Variants in SLC24A1 observed in about 807,000 individuals in gnomAD.
SLC24A1 encodes the protein solute carrier family 24 member 1, also known as sodium/potassium/calcium exchanger 1.
A neutral mutation model predicts 88.1 loss-of-function variants in SLC24A1; 52 were observed. That is an observed-to-expected ratio of 0.59 (90% CI 0.47 to 0.74). The LOEUF is 0.74. Ranked by LOEUF, SLC24A1 falls within the 30% of genes least tolerant of loss-of-function variation. SLC24A1 has a pLI of 0.00. For synonymous variants in SLC24A1, 455 were observed against 498.0 expected (o/e 0.91, Z 1.15); for missense variants, 1,173 against 1,363.3 (o/e 0.86, Z 2.20).
chr15:65,659,030 A>G (rs1233117974), downstream of SLC24A1: 2 of 152,178 alleles, frequency 1.3e-5, no homozygotes, highest in Non-Finnish European at 2.9e-5. Flanking sequence ...TTCTCCACCT[A>G]ACACTAGGAG....
chr15:65,647,531 AC>A lies in SLC24A1; in HGVS notation c.2232+1831del, dbSNP rs1401687837. Among the ~76,000 whole-genome samples, 5 of 151,122 alleles carry A rather than the reference AC, an allele frequency of 3.3e-5. No individual in the cohort carries two copies. The East Asian group carries it at 9.8e-4, about 30-fold the overall frequency. ...GACAGAGAGAGAAAGAATCGGTTCA[AC>A]CCAGCTCCTTGGTCAAGAATCCAGC... On this transcript the variant is annotated intron_variant, in intron 6 of 9. Transcript: ENST00000261892.
At chr15:65,639,560 A>G in intron 3 of SLC24A1, 35 bp from the exon 4 acceptor site, 4 of 1,216,720 alleles carry the variant, frequency 3.3e-6, no homozygotes, top group Non-Finnish European at 4.6e-6. Context: ...CCTGGCTTGG[A>G]CAGGGGCCCA....
downstream of SLC24A1, chr15:65,660,602 T>C (rs539523966): frequency 1.0e-3 from 310 of 303,474 alleles, no homozygotes; most frequent in Non-Finnish European, 1.5e-3. Context: ...AGAAATAATA[T>C]GACTAAAAAT....
Position 65,625,276 on chromosome 15 carries a change from C to T in SLC24A1, c.1196C>T (p.Pro399Leu). Reference sequence around the variant, plus strand: ...GTCCATCACTGTGTGGTTGTGAAGCCAACCCCAGCCATGCTCACCACTCCC... The same window carrying T: ...GTCCATCACTGTGTGGTTGTGAAGCTAACCCCAGCCATGCTCACCACTCCC... ...MQVHHCVVVK[P>L]TPAMLTTPSP... Residue 399 changes from proline (P) to leucine (L), a missense_variant, in exon 2 of 10, where the codon CCA becomes CTA. Coordinates refer to ENST00000261892, the MANE Select transcript of SLC24A1 (RefSeq NM_004727.3). The T allele has an allele frequency of 6.2e-7, 1 of 1,613,948 alleles. No individual in the cohort carries two copies. The highest frequency in any genetic ancestry group is 8.5e-7 in the Non-Finnish European group (1 of 1,179,884).
chr15:65,636,860 A>AAAT (rs59545207), intron 2 of SLC24A1, among the ~76,000 whole-genome samples: 24,978 of 143,194 alleles, frequency 0.17, 2,333 homozygotes, highest in Non-Finnish European at 0.21. Flanking sequence ...CTCTGTCTCA[A>AAAT]AATAATAATA....
At chr15:65,657,968 AT>A, downstream of SLC24A1, 1 of 152,340 alleles carries the variant, frequency 6.6e-6, no homozygotes, top group African/African-American at 2.4e-5. Flanking sequence ...AGTTGCTGCA[AT>A]AGTTTTATCA....
intron 8 of SLC24A1, 64 bp from the exon 9 acceptor site, chr15:65,652,578 A>G: frequency 6.8e-7 from 1 of 1,479,314 alleles, no homozygotes; most frequent in South Asian, 1.2e-5. Flanking sequence ...ACAAAGTAGG[A>G]TGTGGATAGT....
chr15:65,659,027 C>T (rs992557330), downstream of SLC24A1: 2 of 151,922 alleles, frequency 1.3e-5, no homozygotes, highest in Admixed American at 6.5e-5. Flanking sequence ...TATTTCTCCA[C>T]CTAACACTAG....
At chr15:65,646,879 T>G (rs1317941855) in intron 6 of SLC24A1, among the ~76,000 whole-genome samples, 1 of 152,220 alleles carries the variant, frequency 6.6e-6, no homozygotes, top group Admixed American at 6.5e-5. Flanking sequence ...GTAGGTCTAT[T>G]ACCGCTAGCT....
At chr15:65,618,372 C>T (rs989659504), upstream of SLC24A1, among the ~76,000 whole-genome samples, 1 of 152,174 alleles carries the variant, frequency 6.6e-6, no homozygotes, top group Non-Finnish European at 1.5e-5. Context: ...TCATCACCTT[C>T]ATTCCTTTTA....
At chr15:65,612,589 T>C (rs1039775299) in exon 2 of SLC24A1, 1 of 152,298 alleles carries the variant, frequency 6.6e-6, no homozygotes, top group Admixed American at 6.5e-5. Context: ...GACCTAGTTA[T>C]GCTTGAGCAG....
intron 5 of SLC24A1, 73 bp from the exon 6 acceptor site, chr15:65,645,539 T>C: frequency 7.9e-6 from 9 of 1,139,250 alleles, no homozygotes; most frequent in Non-Finnish European, 1.2e-5. Flanking sequence ...TAGCCACTTA[T>C]GCCAGTGTCT....
chr15:65,657,250 T>A (rs2075711795), downstream of SLC24A1, among the ~76,000 whole-genome samples: 1 of 152,208 alleles, frequency 6.6e-6, no homozygotes, highest in Non-Finnish European at 1.5e-5. Context: ...AATTACAGGC[T>A]TAGTCTTTTA....
chr15:65,632,466 C>T (rs1356706826), intron 2 of SLC24A1, among the ~76,000 whole-genome samples: 2 of 152,006 alleles, frequency 1.3e-5, no homozygotes, highest in Non-Finnish European at 2.9e-5. Flanking sequence ...GTGCTTAGGT[C>T]ACTTCCAAGT....
chr15:65,634,602 T>A (rs2074841270), intron 2 of SLC24A1, among the ~76,000 whole-genome samples: 1 of 152,034 alleles, frequency 6.6e-6, no homozygotes, highest in Non-Finnish European at 1.5e-5. Flanking sequence ...CACACCCAAA[T>A]GTTGACAAAC....
At chr15:65,644,194 TA>T (rs60181833) in intron 4 of SLC24A1, 30,145 of 536,302 alleles carry the variant, frequency 0.056, 996 homozygotes, top group African/African-American at 0.091. Context: ...TGACTTACCC[TA>T]AGGTCACAGC....
At chr15:65,627,368 T>G (rs1429032219) in intron 2 of SLC24A1, among the ~76,000 whole-genome samples, 1 of 152,222 alleles carries the variant, frequency 6.6e-6, no homozygotes, top group Non-Finnish European at 1.5e-5. Context: ...AATGCAATGG[T>G]TATTTGTCTG....
chr15:65,626,068 A>T, intron 2 of SLC24A1, 98 bp downstream of exon 2: 1 of 852,536 alleles, frequency 1.2e-6, no homozygotes. Flanking sequence ...AGACCTCAAG[A>T]GATGAATGCT....
Position 65,651,529 on chromosome 15 carries a change from A to G in SLC24A1, c.2794-141A>G. The G allele has an allele frequency of 4.8e-6, 3 of 624,416 alleles. No homozygotes were observed. The East Asian group carries it at 9.0e-5, about 19-fold the overall frequency. The allele number at this position is 624,416 out of a possible 1,614,324, so 38.7% of individuals were successfully genotyped here. On this transcript the variant is annotated intron_variant, in intron 7 of 9. Coordinates refer to ENST00000261892, the MANE Select transcript of SLC24A1 (RefSeq NM_004727.3). ...ATCTCAAGGTCCTCCCTGGAGAGAG[A>G]GCTCTCAGGTCAAATGTCTCCATTT...
Sources: allele counts gnomAD v4.1 joint callset (sites outside exome capture counted in the v4.1 genomes callset), GRCh38; gene constraint gnomAD v4.1.1; transcripts MANE v1.5; gene names NCBI Gene and HGNC (gene_info 2026-07-23, HGNC 2026-07-21).